The following KANSL1 variants were observed in gnomAD, a reference collection of about 807,000 sequenced individuals.
The protein encoded by KANSL1 is KAT8 regulatory NSL complex subunit 1.
KANSL1 carries 22 observed loss-of-function variants against 103.6 expected under a neutral mutation model. That is an observed-to-expected ratio of 0.21 (90% CI 0.15 to 0.30). The LOEUF is 0.30. Among genes scored for constraint, KANSL1 ranks in the 10% least tolerant of loss-of-function variants. KANSL1 has a pLI of 1.00. For synonymous variants in KANSL1, 600 were observed against 527.6 expected, an observed-to-expected ratio of 1.14 and a Z score of -1.88; for missense variants, 1,337 against 1,399.8, an observed-to-expected ratio of 0.96 and a Z score of 0.72.
Position 46,171,831 on chromosome 17 carries a change from G to A in KANSL1, c.313C>T (p.Gln105Ter). Residue 105 changes from glutamine (Q) to a stop codon, truncating the protein, a stop_gained, in exon 2 of 15, where the codon CAG becomes TAG. Coordinates refer to ENST00000432791, the MANE Select transcript of KANSL1 (RefSeq NM_015443.4). LOFTEE classifies it high-confidence loss of function. ...AGAGGATGAGATTTAAGGACTGTCT[G>A]CTTGCTGAAGACCCCTTGCAACTTC... The part of the protein sequence containing the change: ...SLKLQGVFSK[Q>*]TVLKSHPLLS... The A allele has an allele frequency of 6.2e-7, 1 of 1,614,196 alleles. No homozygotes were observed. Among genetic ancestry groups the A allele is most frequent in the Non-Finnish European group, 8.5e-7 (1 of 1,180,010 alleles).
Position 46,135,566 on chromosome 17 carries a change from C to A in KANSL1, c.1289+35289G>T, listed in dbSNP as rs1368175909. Among the ~76,000 whole-genome samples the A allele has an allele frequency of 3.0e-5, 3 of 101,240 alleles. No homozygotes were observed. In the East Asian group the frequency reaches 6.5e-4, roughly 22 times the overall value. 66.4% of individuals were successfully genotyped at this position (101,240 alleles called of 152,430 possible). ...CATTTTTTTTTTTTTTTTTTTGAGA[C>A]AGAGTCTCAACTCTGTTGCCCAGAC... On this transcript the variant is annotated intron_variant, in intron 2 of 14. Coordinates refer to ENST00000432791, the MANE Select transcript of KANSL1 (RefSeq NM_015443.4).
intron 3 of KANSL1, chr17:46,092,729 G>GGGA (rs2079454042): frequency 3.9e-5 from 1 of 25,452 alleles, no homozygotes; most frequent in African/African-American, 1.6e-4. Flanking sequence ...GGGGGGGGGG[G>GGGA]AGGGTGGGTG....
At chr17:46,126,216 C>T (rs1482706298) in intron 2 of KANSL1, among the ~76,000 whole-genome samples, 2 of 152,172 alleles carry the variant, frequency 1.3e-5, no homozygotes, top group East Asian at 1.9e-4. Flanking sequence ...CCGAGTCAGG[C>T]GGATCACCTG....
chr17:46,080,605 T>G (rs1041970865), intron 4 of KANSL1, among the ~76,000 whole-genome samples: 1 of 152,094 alleles, frequency 6.6e-6, no homozygotes, highest in Non-Finnish European at 1.5e-5. Context: ...TTGCAAATAT[T>G]TGGCATTTTA....
intron 6 of KANSL1, among the ~76,000 whole-genome samples, chr17:46,054,169 T>C (rs2077831026): frequency 6.6e-6 from 1 of 151,986 alleles, no homozygotes; most frequent in Non-Finnish European, 1.5e-5. Context: ...TCTTCTGCCT[T>C]AGCCTACCAA....
At chr17:46,073,530 C>G (rs905598793) in intron 4 of KANSL1, among the ~76,000 whole-genome samples, 3 of 152,006 alleles carry the variant, frequency 2.0e-5, no homozygotes, top group Admixed American at 6.6e-5. Flanking sequence ...CCAAAACGTA[C>G]TGAAATTGCT....
chr17:46,188,259 T>C (rs931988889), intron 1 of KANSL1, among the ~76,000 whole-genome samples: 10 of 152,372 alleles, frequency 6.6e-5, no homozygotes, highest in Admixed American at 5.9e-4. Flanking sequence ...TAATTCATAC[T>C]GTCTTCTACA....
At chr17:46,201,810 C>T (rs916868862) in intron 1 of KANSL1, among the ~76,000 whole-genome samples, 6 of 152,256 alleles carry the variant, frequency 3.9e-5, no homozygotes, top group Admixed American at 6.5e-5. Flanking sequence ...AGTTCAAGAC[C>T]GGCCTGGGCA....
At chr17:46,056,289 G>A (rs932404793) in intron 6 of KANSL1, among the ~76,000 whole-genome samples, 3 of 151,998 alleles carry the variant, frequency 2.0e-5, no homozygotes, top group African/African-American at 4.8e-5. Context: ...GTGAGCCACC[G>A]TGCCTGGCCC....
chr17:46,185,301 A>C (rs2046969090), intron 1 of KANSL1, among the ~76,000 whole-genome samples: 1 of 152,208 alleles, frequency 6.6e-6, no homozygotes. Flanking sequence ...TGAAGTGATC[A>C]ACCACCTAAC....
chr17:46,155,259 G>C (rs1567740489), intron 2 of KANSL1, among the ~76,000 whole-genome samples: 1 of 148,456 alleles, frequency 6.7e-6, no homozygotes, highest in African/African-American at 2.5e-5. Context: ...CCGGGTTCAA[G>C]CGATTCTCCT....
intron 2 of KANSL1, among the ~76,000 whole-genome samples, chr17:46,154,600 A>AAG: frequency 6.6e-6 from 1 of 152,324 alleles, no homozygotes; most frequent in East Asian, 1.9e-4. Flanking sequence ...CAATTATAAA[A>AAG]AGAGAGAGAA....
At chr17:46,169,291 A>C (rs1304509694) in intron 2 of KANSL1, among the ~76,000 whole-genome samples, 2 of 152,252 alleles carry the variant, frequency 1.3e-5, no homozygotes, top group South Asian at 2.1e-4. Flanking sequence ...ATTTGCTTTA[A>C]ATCTAAATAC....
intron 2 of KANSL1, among the ~76,000 whole-genome samples, chr17:46,157,435 T>C (rs1597829555): frequency 6.6e-6 from 1 of 152,344 alleles, no homozygotes; most frequent in South Asian, 2.1e-4. Flanking sequence ...TAATCTAACA[T>C]TGCTTTGGAC....
rs554872311 is a variant in KANSL1, at chr17:46,065,448, T to A, written c.1848+1089A>T. On this transcript the variant is annotated intron_variant, in intron 6 of 14. Coordinates refer to ENST00000432791, the MANE Select transcript of KANSL1 (RefSeq NM_015443.4). ...AGCCAATAAATATTTGTTGAAAGAA[T>A]GAATGAACAACAACAAAAGTGGTAA... 2.2e-4 allele frequency among the ~76,000 whole-genome samples: 33 copies of A among 152,308 alleles called. 1 individual carries two copies. Among genetic ancestry groups the A allele is most frequent in the African/African-American group, 7.9e-4 (33 of 41,572 alleles).
intron 1 of KANSL1, among the ~76,000 whole-genome samples, chr17:46,184,882 C>T (rs1346941025): frequency 6.6e-6 from 1 of 150,660 alleles, no homozygotes; most frequent in African/African-American, 2.4e-5. Context: ...CATTGTCACC[C>T]GGGCTGGAGT....
chr17:46,094,803 ACTAACT>A, intron 2 of KANSL1, 102 bp from the exon 3 acceptor site: 1 of 1,367,636 alleles, frequency 7.3e-7, no homozygotes, highest in Non-Finnish European at 1.0e-6. Context: ...CCTTGCAGAG[ACTAACT>A]CTAGTGTCAA....
chr17:46,202,425 T>C (rs2047835119), intron 1 of KANSL1, among the ~76,000 whole-genome samples: 1 of 151,866 alleles, frequency 6.6e-6, no homozygotes. Flanking sequence ...AGAAAAGGAG[T>C]CCTCAGAGAG....
chr17:46,134,128 T>C (rs2147296521), intron 2 of KANSL1, among the ~76,000 whole-genome samples: 1 of 152,238 alleles, frequency 6.6e-6, no homozygotes, highest in East Asian at 1.9e-4. Flanking sequence ...CCTGGCGTGG[T>C]GGCTCACGCC....
Sources: gnomAD v4.1 joint callset for allele counts (sites outside exome capture counted in the v4.1 genomes callset) on GRCh38, gnomAD v4.1.1 for gene constraint, MANE v1.5 for transcripts, NCBI Gene and HGNC (gene_info 2026-07-23, HGNC 2026-07-21) for gene names.